PTPRT: variants seen among roughly 807,000 people sequenced by gnomAD.
PTPRT encodes the protein receptor-type tyrosine-protein phosphatase T.
In PTPRT, 56 loss-of-function variants were observed where a neutral mutation model predicts 176.8. The ratio of observed to expected loss-of-function variants is 0.32; its 90% CI spans 0.26 to 0.40. PTPRT has a LOEUF of 0.40. Ranked by LOEUF, PTPRT falls within the 10% of genes least tolerant of loss-of-function variation. The pLI, the probability that PTPRT is intolerant of heterozygous loss-of-function variation, is 1.00. For synonymous variants in PTPRT, 783 were observed against 739.0 expected (o/e 1.06, Z -0.96); for missense variants, 1,540 against 1,908.2 (o/e 0.81, Z 3.60).
At chr20:42,486,780 A>G (rs1485675975) in intron 7 of PTPRT, among the ~76,000 whole-genome samples, 1 of 152,144 alleles carries the variant, frequency 6.6e-6, no homozygotes, top group African/African-American at 2.4e-5. Flanking sequence ...AAGGAGCGGT[A>G]GCCCCTCAGA....
At chr20:43,024,639 C>T (rs1985841091) in intron 1 of PTPRT, among the ~76,000 whole-genome samples, 1 of 150,414 alleles carries the variant, frequency 6.6e-6, no homozygotes. Context: ...ATTGAATATG[C>T]AACTTAAAAT....
chr20:42,460,128 T>A (rs186278953), intron 8 of PTPRT, among the ~76,000 whole-genome samples: 1 of 152,258 alleles, frequency 6.6e-6, no homozygotes, highest in Non-Finnish European at 1.5e-5. Flanking sequence ...GTGGAGAGGT[T>A]GAGGAGACAG....
chr20:42,894,415 G>A (rs2079256240), intron 1 of PTPRT, among the ~76,000 whole-genome samples: 1 of 152,056 alleles, frequency 6.6e-6, no homozygotes, highest in Non-Finnish European at 1.5e-5. Flanking sequence ...GCCCAGCACT[G>A]TTCTCAGTGT....
At chr20:42,261,352 G>A (rs575463712) in intron 13 of PTPRT, among the ~76,000 whole-genome samples, 129 of 150,636 alleles carry the variant, frequency 8.6e-4, no homozygotes, top group African/African-American at 3.2e-3. Context: ...TATTGGATTA[G>A]TGTCCACCCT....
chr20:42,822,192 A>G (rs1569175817), intron 2 of PTPRT, among the ~76,000 whole-genome samples: 1 of 152,228 alleles, frequency 6.6e-6, no homozygotes, highest in East Asian at 1.9e-4. Flanking sequence ...TGGTACCTGT[A>G]CCAAAACAGA....
chr20:42,924,469 T>C (rs1979356214), intron 1 of PTPRT, among the ~76,000 whole-genome samples: 1 of 152,172 alleles, frequency 6.6e-6, no homozygotes, highest in Admixed American at 6.5e-5. Flanking sequence ...CAACCTGATG[T>C]CCAACAGTAC....
At chr20:42,891,261 T>G (rs536461152) in intron 1 of PTPRT, among the ~76,000 whole-genome samples, 3 of 152,178 alleles carry the variant, frequency 2.0e-5, no homozygotes, top group Non-Finnish European at 1.5e-5. Context: ...TCTACCCCCA[T>G]CCCAGGAGCT....
chr20:42,337,154 G>GC (rs11476563), intron 11 of PTPRT, among the ~76,000 whole-genome samples: 7 of 150,704 alleles, frequency 4.6e-5, no homozygotes, highest in East Asian at 1.9e-4. Flanking sequence ...ATATTTAGAA[G>GC]CCCCCCCTTC....
chr20:42,842,422 A>G (rs2078294597), intron 2 of PTPRT, among the ~76,000 whole-genome samples: 2 of 151,672 alleles, frequency 1.3e-5, no homozygotes, highest in Non-Finnish European at 2.9e-5. Context: ...ATTTATTTTT[A>G]TTTTTATTAT....
intron 17 of PTPRT, among the ~76,000 whole-genome samples, chr20:42,157,861 T>C (rs1031622359): frequency 3.9e-5 from 6 of 152,210 alleles, no homozygotes; most frequent in Non-Finnish European, 7.3e-5. Context: ...TGAGCCACCA[T>C]GGAAATCGTC....
At chr20:43,188,525 TC>T (rs1421825439) in intron 1 of PTPRT, among the ~76,000 whole-genome samples, 4 of 152,118 alleles carry the variant, frequency 2.6e-5, no homozygotes, top group Non-Finnish European at 5.9e-5. Flanking sequence ...TTTCTTCCTT[TC>T]CTTCTTTCGG....
At chr20:42,676,886 G>A (rs999540441) in intron 7 of PTPRT, among the ~76,000 whole-genome samples, 6 of 152,334 alleles carry the variant, frequency 3.9e-5, no homozygotes, top group South Asian at 2.1e-4. Context: ...GATTAGAAAT[G>A]CAGTAGAAGC....
chr20:42,578,902 T>TGG (rs758448014), intron 7 of PTPRT, among the ~76,000 whole-genome samples: 1,798 of 139,648 alleles, frequency 0.013, 71 homozygotes, highest in African/African-American at 0.046. Context: ...TTTTTTTTTT[T>TGG]GGGGGGGGGT....
intron 7 of PTPRT, among the ~76,000 whole-genome samples, chr20:42,637,389 C>T (rs368362693): frequency 2.6e-5 from 4 of 152,104 alleles, no homozygotes; most frequent in African/African-American, 9.7e-5. Context: ...TTGCTAGCAC[C>T]ACTCAAGGCT....
intron 16 of PTPRT, among the ~76,000 whole-genome samples, chr20:42,182,969 C>G (rs1023071441): frequency 6.6e-6 from 1 of 150,394 alleles, no homozygotes; most frequent in Non-Finnish European, 1.5e-5. Flanking sequence ...TGTGCACCAG[C>G]ATTTTGTGCT....
chr20:43,106,152 G>T (rs960561407), intron 1 of PTPRT, among the ~76,000 whole-genome samples: 1 of 152,058 alleles, frequency 6.6e-6, no homozygotes, highest in African/African-American at 2.4e-5. Flanking sequence ...AGGTCAAAGG[G>T]TCTCTCCTCT....
intron 9 of PTPRT, among the ~76,000 whole-genome samples, chr20:42,421,564 G>A (rs1332333184): frequency 6.6e-6 from 1 of 152,034 alleles, no homozygotes; most frequent in African/African-American, 2.4e-5. Flanking sequence ...GTGTGTGTTT[G>A]GGGGAGGAGA....
intron 7 of PTPRT, among the ~76,000 whole-genome samples, chr20:42,642,867 T>G (rs2074792725): frequency 6.6e-6 from 1 of 152,196 alleles, no homozygotes; most frequent in African/African-American, 2.4e-5. Flanking sequence ...TTCCTCCCAC[T>G]TTGACTCTGG....
chr20:42,320,346 G>A (rs1189022533), intron 11 of PTPRT, among the ~76,000 whole-genome samples: 1 of 152,180 alleles, frequency 6.6e-6, no homozygotes, highest in African/African-American at 2.4e-5. Context: ...AGATTCCACT[G>A]AGGGGGACCA....
Sources: allele counts gnomAD v4.1 joint callset (sites outside exome capture counted in the v4.1 genomes callset), GRCh38; gene constraint gnomAD v4.1.1; transcripts MANE v1.5; gene names NCBI Gene and HGNC (gene_info 2026-07-23, HGNC 2026-07-21).